TNFRSF9: variants seen among roughly 807,000 people sequenced by gnomAD.
The protein encoded by TNFRSF9 is TNF receptor superfamily member 9.
Under a neutral mutation model 28.8 loss-of-function variants are expected in TNFRSF9, and 16 were observed. That is an observed-to-expected ratio of 0.55 (90% CI 0.38 to 0.84). TNFRSF9 has a LOEUF of 0.84. Among genes scored for constraint, TNFRSF9 ranks in the 40% least tolerant of loss-of-function variants. The pLI is 0.00. For missense variants in TNFRSF9, 303 were observed against 315.0 expected (o/e 0.96, Z 0.29); for synonymous variants, 131 against 117.0 (o/e 1.12, Z -0.77).
rs1639500702 is a variant in TNFRSF9 at position 7,917,799 on chromosome 1, A to G, written c.*3036T>C. ...GGTGGCTCATGTCTGCAATTCCAGC[A>G]CTTTGGAAGGCTGAGGTGGGAGGAT... On this transcript the variant is annotated 3_prime_UTR_variant, in exon 8 of 8. Coordinates refer to ENST00000377507, the MANE Select transcript of TNFRSF9 (RefSeq NM_001561.6). 1 of 151,984 alleles carries G rather than the reference A, an allele frequency of 6.6e-6. No homozygotes were observed. The highest frequency in any genetic ancestry group is 2.4e-5 in the African/African-American group (1 of 41,360). 9.4% of individuals were successfully genotyped at this position (151,984 alleles called of 1,614,324 possible).
chr1:7,940,056 T>A lies in TNFRSF9; in HGVS notation c.-62A>T. 8.1e-7 allele frequency: 1 copy of A among 1,234,732 alleles called. No homozygotes were observed. Among genetic ancestry groups the A allele is most frequent in the Non-Finnish European group, 1.2e-6 (1 of 851,994 alleles). The allele number at this position is 1,234,732 out of a possible 1,614,324, so 76.5% of individuals were successfully genotyped here. ...GATTCCAAGAGAATTTTAATCAAAT[T>A]AGCTGGTCTCACAAATGTCACTCTG... On this transcript the variant is annotated 5_prime_UTR_variant, in exon 2 of 8. Transcript: ENST00000377507.
At chr1:7,920,978 CACTT>C (rs2151410200) in intron 7 of TNFRSF9, 55 bp from the exon 8 acceptor site, 1 of 1,211,032 alleles carries the variant, frequency 8.3e-7, no homozygotes, top group East Asian at 2.3e-5. Flanking sequence ...AATCATTTAA[CACTT>C]ATTTTCCATA....
chr1:7,929,409 C>A (rs1639701393), intron 7 of TNFRSF9, among the ~76,000 whole-genome samples: 1 of 151,992 alleles, frequency 6.6e-6, no homozygotes, highest in African/African-American at 2.4e-5. Flanking sequence ...TCAGGTGATC[C>A]ATCCGCCTCA....
Position 7,937,705 on chromosome 1 carries a change from C to A in TNFRSF9, c.398G>T (p.Cys133Phe). The A allele has an allele frequency of 1.2e-6, 2 of 1,613,670 alleles. No homozygotes were observed. The highest frequency in any genetic ancestry group is 8.5e-7 in the Non-Finnish European group (1 of 1,179,618). The change falls in exon 5 of 8, where the codon TGT (cysteine) becomes TTT (phenylalanine). Residue 133 changes from cysteine (C) to phenylalanine (F), a missense_variant. Transcript: ENST00000377507. Reference sequence around the variant, plus strand: ...TTATACGTACTTTGTCCAGGGTCGACAGATGCCACGTTTCTGATCGTTAAA... The same window carrying A: ...TTATACGTACTTTGTCCAGGGTCGAAAGATGCCACGTTTCTGATCGTTAAA... ...GTFNDQKRGICRPWTNCSLDG... is the reference protein window; with the variant it reads ...GTFNDQKRGIFRPWTNCSLDG...
intron 7 of TNFRSF9, among the ~76,000 whole-genome samples, chr1:7,930,221 G>T (rs1443259131): frequency 6.6e-6 from 1 of 151,964 alleles, no homozygotes; most frequent in South Asian, 2.1e-4. Flanking sequence ...GCCCGCCTCA[G>T]CCCCCCAGAA....
Position 7,917,965 on chromosome 1 carries a change from T to G in TNFRSF9, c.*2870A>C, listed in dbSNP as rs1389821197. On this transcript the variant is annotated 3_prime_UTR_variant, in exon 8 of 8. Coordinates refer to ENST00000377507, the MANE Select transcript of TNFRSF9 (RefSeq NM_001561.6). ...AAATAAATTACAAAGGATATATATA[T>G]ATATATATATAGATATAGATAGATA... The G allele has an allele frequency of 2.2e-5, 3 of 134,158 alleles. No homozygotes were observed. Among genetic ancestry groups the G allele is most frequent in the African/African-American group, 1.1e-4 (3 of 28,480 alleles). The allele number at this position is 134,158 out of a possible 1,614,324, so 8.3% of individuals were successfully genotyped here. A position where few individuals can be genotyped will look rare whatever the true frequency, so the allele number is the denominator to read the frequency against.
chr1:7,930,523 C>T (rs948385025), intron 7 of TNFRSF9, among the ~76,000 whole-genome samples: 4 of 152,008 alleles, frequency 2.6e-5, no homozygotes, highest in African/African-American at 4.8e-5. Flanking sequence ...TTTGGGAAAC[C>T]GAGGTGGGAG....
intron 7 of TNFRSF9, among the ~76,000 whole-genome samples, chr1:7,927,306 G>A (rs1639669051): frequency 6.6e-6 from 1 of 152,184 alleles, no homozygotes. Flanking sequence ...CAAGCCTGCT[G>A]TGAACCAAAC....
At position 7,932,031 on chromosome 1, in the gene TNFRSF9, G is replaced by A. The variant is rs1027493101; in HGVS notation, c.679+1131C>T. ...GGTGGCGCATGCCTGTAATGCCTCG[G>A]GAGCCTGAGGCAGGAGAATCGCTTG... On this transcript the variant is annotated intron_variant, in intron 7 of 7. Coordinates refer to ENST00000377507, the MANE Select transcript of TNFRSF9 (RefSeq NM_001561.6). Among the ~76,000 whole-genome samples, 5 of 152,134 alleles carry A rather than the reference G, an allele frequency of 3.3e-5. No individual in the cohort carries two copies. The South Asian group carries it at 6.2e-4, about 19-fold the overall frequency.
intron 2 of TNFRSF9, among the ~76,000 whole-genome samples, 183 bp downstream of exon 2, chr1:7,939,712 C>A (rs1639873983): frequency 6.6e-6 from 1 of 152,218 alleles, no homozygotes; most frequent in African/African-American, 2.4e-5. Context: ...AGTCAAGGCA[C>A]AAGAGGTTGA....
At chr1:7,921,368 C>T (rs1296920469) in intron 7 of TNFRSF9, among the ~76,000 whole-genome samples, 1 of 148,232 alleles carries the variant, frequency 6.7e-6, no homozygotes. Flanking sequence ...CAAAACAAAA[C>T]AAAACAAAAC....
chr1:7,938,653 TA>T, intron 3 of TNFRSF9, 67 bp downstream of exon 3: 1 of 1,325,162 alleles, frequency 7.5e-7, no homozygotes. Context: ...GAGCAGTTAG[TA>T]AATGGGAAAG....
chr1:7,937,754 A>C lies in TNFRSF9; in HGVS notation c.349T>G (p.Cys117Gly), dbSNP rs371033313. 2 of 1,611,132 alleles carry C rather than the reference A, an allele frequency of 1.2e-6. No homozygotes were observed. Residue 117 changes from cysteine to glycine, a missense_variant and splice_region_variant, in exon 5 of 8, where the codon TGT becomes GGT. Transcript: ENST00000377507. ...KQGQELTKKG[C>G]KDCCFGTFND... ...AATGTCCCAAAGCAACAGTCTTTAC[A>C]ACCTTGTATTAAAAATGAAAGCAAT...
At chr1:7,930,710 A>T (rs1389766974) in intron 7 of TNFRSF9, among the ~76,000 whole-genome samples, 1 of 152,200 alleles carries the variant, frequency 6.6e-6, no homozygotes, top group Admixed American at 6.5e-5. Context: ...TCGAGGCTAC[A>T]GTGAGCTGTG....
In TNFRSF9 at chr1:7,935,126, T is replaced by C. The variant is rs1391457445; in HGVS notation, c.431A>G (p.Lys144Arg). 1.2e-6 allele frequency: 2 copies of C among 1,614,090 alleles called. No individual in the cohort carries two copies. The highest frequency in any genetic ancestry group is 4.5e-5 in the East Asian group (2 of 44,900). ...RPWTNCSLDG[K>R]SVLVNGTKER... ...CTTCGTCCCATTCACAAGCACAGAC[T>C]TTCCATCCAAAGAACAGCTTAGACA... The change falls in exon 6 of 8, where the codon AAG becomes AGG. Residue 144 changes from lysine (K) to arginine (R), a missense_variant. Lys to Arg is a conservative substitution (Grantham distance 26, BLOSUM62 2). Transcript: ENST00000377507.
chr1:7,937,756 C>G lies in TNFRSF9; in HGVS notation c.347G>C (p.Gly116Ala). 6.2e-7 allele frequency: 1 copy of G among 1,610,654 alleles called. No homozygotes were observed. Among genetic ancestry groups the G allele is most frequent in the Non-Finnish European group, 8.5e-7 (1 of 1,177,574 alleles). The change falls in exon 5 of 8, where the codon GGT becomes GCT. Residue 116 changes from glycine (G) to alanine (A), a missense_variant and splice_region_variant. Coordinates refer to ENST00000377507, the MANE Select transcript of TNFRSF9 (RefSeq NM_001561.6). Reference sequence around the variant, plus strand: ...TGTCCCAAAGCAACAGTCTTTACAACCTTGTATTAAAAATGAAAGCAATAA... The same window carrying G: ...TGTCCCAAAGCAACAGTCTTTACAAGCTTGTATTAAAAATGAAAGCAATAA... ...CKQGQELTKK[G>A]CKDCCFGTFN...
rs9657963 is a variant in TNFRSF9 at position 7,938,763 on chromosome 1, C to T, written c.166G>A (p.Ala56Thr). The T allele has an allele frequency of 3.7e-3, 5,956 of 1,613,498 alleles. 23 individuals are homozygous for T. Among genetic ancestry groups the T allele is most frequent in the Middle Eastern group, 0.025 (149 of 6,054 alleles). Residue 56 changes from alanine to threonine, a missense_variant, in exon 3 of 8, where the codon GCA (alanine) becomes ACA (threonine). Coordinates refer to ENST00000377507, the MANE Select transcript of TNFRSF9 (RefSeq NM_001561.6). ...ATGTCACAGGTCCTTTGTCCACCTG[C>T]GCTGGAGAAACTATTTGGAGGACAG... Reference protein sequence around the residue: ...SPCPPNSFSSAGGQRTCDICR... With the variant: ...SPCPPNSFSSTGGQRTCDICR...
At chr1:7,929,388 A>G (rs1327206377) in intron 7 of TNFRSF9, among the ~76,000 whole-genome samples, 1 of 151,820 alleles carries the variant, frequency 6.6e-6, no homozygotes, top group East Asian at 1.9e-4. Context: ...GCTGGTCTCG[A>G]ACTCCTGACC....
At chr1:7,922,340 CT>C (rs1341057674) in intron 7 of TNFRSF9, among the ~76,000 whole-genome samples, 1 of 152,134 alleles carries the variant, frequency 6.6e-6, no homozygotes, top group African/African-American at 2.4e-5. Context: ...CGTATTTGTC[CT>C]GCTGAGTACT....
Sources: allele counts gnomAD v4.1 joint callset (sites outside exome capture counted in the v4.1 genomes callset), GRCh38; gene constraint gnomAD v4.1.1; transcripts MANE v1.5; gene names NCBI Gene and HGNC (gene_info 2026-07-23, HGNC 2026-07-21).